PTPRD: variants seen among roughly 807,000 people sequenced by gnomAD.
PTPRD encodes receptor-type tyrosine-protein phosphatase delta.
A neutral mutation model predicts 214.5 loss-of-function variants in PTPRD; 34 were observed. The observed-to-expected ratio is 0.16, with a 90% CI of 0.12 to 0.21. PTPRD has a LOEUF of 0.21. PTPRD is among the 10% of genes least tolerant of loss of function. The pLI, the probability that PTPRD is intolerant of heterozygous loss-of-function variation, is 1.00. For missense variants in PTPRD, 2,545 were observed against 2,398.7 expected, an observed-to-expected ratio of 1.06 and a Z score of -1.27; for synonymous variants, 1,128 against 845.7, an observed-to-expected ratio of 1.33 and a Z score of -5.79.
At chr9:9,607,232 T>G (rs1484549085) in intron 7 of PTPRD, among the ~76,000 whole-genome samples, 1 of 152,104 alleles carries the variant, frequency 6.6e-6, no homozygotes, top group Non-Finnish European at 1.5e-5. Flanking sequence ...GAATCACAAG[T>G]AGTAACCCAA....
chr9:8,939,868 ATTCT>A (rs1391287878), intron 11 of PTPRD, among the ~76,000 whole-genome samples: 5 of 152,022 alleles, frequency 3.3e-5, no homozygotes, highest in Admixed American at 1.3e-4. Context: ...CTCTTTATTT[ATTCT>A]TTATTTTTTA....
Position 8,905,607 on chromosome 9 carries a change from C to T in PTPRD, c.-104+113090G>A, listed in dbSNP as rs569145409. 2.0e-4 allele frequency among the ~76,000 whole-genome samples: 30 copies of T among 151,868 alleles called. 1 individual carries two copies. The highest frequency in any genetic ancestry group is 2.0e-3 in the Admixed American group (30 of 15,262). ...TACAAAAATTAGTTGGGCATGGTGG[C>T]GAGTGCCTGTAATCTCAACTACTCA... is the stretch of plus-strand genomic sequence containing the variant. On this transcript the variant is annotated intron_variant, in intron 11 of 45. Coordinates refer to ENST00000381196, the MANE Select transcript of PTPRD (RefSeq NM_002839.4).
chr9:9,348,879 C>T (rs1159085704), intron 9 of PTPRD, among the ~76,000 whole-genome samples: 2 of 152,098 alleles, frequency 1.3e-5, no homozygotes, highest in African/African-American at 4.8e-5. Flanking sequence ...CTGTGTGCTG[C>T]TTCTCTTCTT....
chr9:9,544,855 A>C (rs1345187244), intron 8 of PTPRD, among the ~76,000 whole-genome samples: 1 of 151,576 alleles, frequency 6.6e-6, no homozygotes, highest in East Asian at 1.9e-4. Flanking sequence ...GTGAATTAAA[A>C]AGTAGGAAAT....
chr9:9,164,740 C>A (rs988701030), intron 10 of PTPRD, among the ~76,000 whole-genome samples: 1 of 152,090 alleles, frequency 6.6e-6, no homozygotes, highest in South Asian at 2.1e-4. Context: ...AGGCTAGACA[C>A]GGTACCTCAT....
chr9:9,080,730 G>T (rs2099757760), intron 10 of PTPRD, among the ~76,000 whole-genome samples: 1 of 152,038 alleles, frequency 6.6e-6, no homozygotes, highest in South Asian at 2.1e-4. Context: ...CCTTGGGAGG[G>T]TGTATGTGTT....
intron 10 of PTPRD, among the ~76,000 whole-genome samples, chr9:9,146,189 T>C (rs2099868301): frequency 1.3e-5 from 2 of 152,196 alleles, no homozygotes; most frequent in South Asian, 4.1e-4. Context: ...AATTCTATGA[T>C]TTAGATTGTT....
At chr9:9,229,555 G>C (rs2099961778) in intron 9 of PTPRD, among the ~76,000 whole-genome samples, 1 of 152,070 alleles carries the variant, frequency 6.6e-6, no homozygotes, top group Non-Finnish European at 1.5e-5. Context: ...AAAATGTTGA[G>C]AGAAAACTTA....
intron 11 of PTPRD, among the ~76,000 whole-genome samples, chr9:8,800,919 T>C (rs2096558555): frequency 6.6e-6 from 1 of 152,190 alleles, no homozygotes; most frequent in African/African-American, 2.4e-5. Context: ...AATGATATTA[T>C]AAATGTAGGA....
chr9:8,521,615 C>T (rs2097891769), intron 19 of PTPRD, 69 bp from the exon 20 acceptor site: 2 of 1,526,444 alleles, frequency 1.3e-6, no homozygotes, highest in East Asian at 2.3e-5. Flanking sequence ...AAACACATGA[C>T]ATGCACCGTA....
intron 39 of PTPRD, among the ~76,000 whole-genome samples, chr9:8,363,701 TA>T (rs1316491730): frequency 6.6e-6 from 1 of 152,174 alleles, no homozygotes; most frequent in African/African-American, 2.4e-5. Context: ...ACCAATGTCC[TA>T]TTGGGGCTCA....
intron 43 of PTPRD, among the ~76,000 whole-genome samples, chr9:8,335,156 G>T (rs1384346828): frequency 6.6e-6 from 1 of 151,876 alleles, no homozygotes; most frequent in Non-Finnish European, 1.5e-5. Flanking sequence ...TATGAGGCCA[G>T]CATCATCCTG....
At chr9:9,879,567 C>G (rs930751809) in intron 5 of PTPRD, among the ~76,000 whole-genome samples, 1 of 152,160 alleles carries the variant, frequency 6.6e-6, no homozygotes, top group Non-Finnish European at 1.5e-5. Context: ...GTATTTGACA[C>G]TGCAACAATT....
intron 5 of PTPRD, among the ~76,000 whole-genome samples, chr9:9,910,366 T>C (rs2078846893): frequency 6.6e-6 from 1 of 151,988 alleles, no homozygotes; most frequent in Non-Finnish European, 1.5e-5. Context: ...AAAATATCTG[T>C]ATAGCAATTT....
At chr9:9,382,622 G>A (rs924453994) in intron 9 of PTPRD, among the ~76,000 whole-genome samples, 5 of 152,070 alleles carry the variant, frequency 3.3e-5, no homozygotes, top group African/African-American at 1.2e-4. Flanking sequence ...CATCTGTTAG[G>A]ATGGTTTTAT....
chr9:9,164,832 A>G (rs1173092206), intron 10 of PTPRD, among the ~76,000 whole-genome samples: 2 of 147,048 alleles, frequency 1.4e-5, no homozygotes, highest in African/African-American at 5.0e-5. Flanking sequence ...GGCCAACATG[A>G]TGAAATCCTG....
chr9:9,152,602 T>C (rs909317205), intron 10 of PTPRD, among the ~76,000 whole-genome samples: 1 of 152,046 alleles, frequency 6.6e-6, no homozygotes. Context: ...GTGGTGGAGG[T>C]AGGGCTATAA....
At chr9:10,045,370 C>A (rs1425899588) in intron 3 of PTPRD, among the ~76,000 whole-genome samples, 1 of 151,582 alleles carries the variant, frequency 6.6e-6, no homozygotes, top group African/African-American at 2.4e-5. Context: ...AGTCTTGGGA[C>A]AAGCAAATTA....
intron 10 of PTPRD, among the ~76,000 whole-genome samples, chr9:9,166,169 T>G (rs918880167): frequency 1.7e-4 from 26 of 151,908 alleles, no homozygotes; most frequent in African/African-American, 5.8e-4. Flanking sequence ...GTTGAATCAC[T>G]TCTCCATCTA....
Sources: gnomAD v4.1 joint callset for allele counts (sites outside exome capture counted in the v4.1 genomes callset) on GRCh38, gnomAD v4.1.1 for gene constraint, MANE v1.5 for transcripts, NCBI Gene and HGNC (gene_info 2026-07-23, HGNC 2026-07-21) for gene names.